FSD1L: variants seen among roughly 807,000 people sequenced by gnomAD.
FSD1L encodes the protein FSD1-like protein.
In FSD1L, 45 loss-of-function variants were observed where a neutral mutation model predicts 71.6. The ratio of observed to expected loss-of-function variants is 0.63; its 90% CI spans 0.49 to 0.81. The LOEUF (loss-of-function observed/expected upper bound fraction) is 0.81. Ranked by LOEUF, FSD1L falls within the 30% of genes least tolerant of loss-of-function variation. The pLI is 0.00. For synonymous variants in FSD1L, 197 were observed against 207.2 expected, an observed-to-expected ratio of 0.95 and a Z score of 0.42; for missense variants, 561 against 618.1, an observed-to-expected ratio of 0.91 and a Z score of 0.98.
At chr9:105,465,692 A>C (rs1207316615) in intron 3 of FSD1L, among the ~76,000 whole-genome samples, 8 of 152,324 alleles carry the variant, frequency 5.3e-5, no homozygotes, top group African/African-American at 1.4e-4. Flanking sequence ...AAAGAATTTG[A>C]CAGAATTCAA....
rs557724380 is a variant in FSD1L at position 105,541,012 on chromosome 9, G to A, written c.1467+1661G>A. 3.3e-5 allele frequency among the ~76,000 whole-genome samples: 5 copies of A among 152,132 alleles called. No homozygotes were observed. In the South Asian group the frequency reaches 1.0e-3, roughly 32 times the overall value. ...TAAGTCAAGATGGTATATTTCAAAT[G>A]GAATATTTTGCATGTATATTCTTCT... On this transcript the variant is annotated intron_variant, in intron 13 of 13. Coordinates refer to ENST00000481272, the MANE Select transcript of FSD1L (RefSeq NM_001145313.3).
upstream of FSD1L, among the ~76,000 whole-genome samples, chr9:105,446,857 ATGAC>A (rs1361498710): frequency 6.6e-6 from 1 of 152,014 alleles, no homozygotes; most frequent in Non-Finnish European, 1.5e-5. Flanking sequence ...TTCATCATAA[ATGAC>A]TGTCTAATTG....
At chr9:105,523,317 G>C (rs1209080270) in intron 10 of FSD1L, 2 of 1,591,242 alleles carry the variant, frequency 1.3e-6, no homozygotes, top group African/African-American at 2.7e-5. Context: ...GCAGCTCGAT[G>C]AGAAGCTCCA....
chr9:105,521,430 G>C, intron 10 of FSD1L: 1 of 1,614,076 alleles, frequency 6.2e-7, no homozygotes, highest in Non-Finnish European at 8.5e-7. Flanking sequence ...ACATCTCACA[G>C]ACATTGAAAT....
intron 8 of FSD1L, among the ~76,000 whole-genome samples, chr9:105,507,546 T>G (rs972498973): frequency 1.3e-5 from 2 of 152,320 alleles, no homozygotes; most frequent in South Asian, 4.1e-4. Flanking sequence ...CTCGGTCAAG[T>G]TGTTGACGGT....
At chr9:105,511,895 A>G (rs2131376491) in intron 9 of FSD1L, among the ~76,000 whole-genome samples, 1 of 152,254 alleles carries the variant, frequency 6.6e-6, no homozygotes, top group East Asian at 1.9e-4. Context: ...GGGATACTGT[A>G]TTTCTTAATA....
At chr9:105,462,313 T>A (rs1830756562) in intron 2 of FSD1L, among the ~76,000 whole-genome samples, 1 of 147,766 alleles carries the variant, frequency 6.8e-6, no homozygotes, top group Admixed American at 6.8e-5. Context: ...CCTCCCGGGT[T>A]CAAGCAATTT....
At chr9:105,490,274 C>T (rs1240539829) in intron 7 of FSD1L, among the ~76,000 whole-genome samples, 1 of 152,142 alleles carries the variant, frequency 6.6e-6, no homozygotes, top group Admixed American at 6.5e-5. Context: ...AGCATTTTTT[C>T]ATGTGTCTGT....
chr9:105,519,368 A>G (rs1834962102), intron 10 of FSD1L, among the ~76,000 whole-genome samples: 1 of 152,204 alleles, frequency 6.6e-6, no homozygotes, highest in South Asian at 2.1e-4. Flanking sequence ...TTTCAGGCCA[A>G]TATCCCTGAT....
At chr9:105,503,879 AT>A (rs901721949) in intron 7 of FSD1L, among the ~76,000 whole-genome samples, 13 of 151,702 alleles carry the variant, frequency 8.6e-5, no homozygotes, top group African/African-American at 2.2e-4. Flanking sequence ...CCACTTTCTT[AT>A]TTTTTTTCTT....
At chr9:105,476,645 A>T (rs1049383251) in intron 5 of FSD1L, among the ~76,000 whole-genome samples, 3 of 152,208 alleles carry the variant, frequency 2.0e-5, no homozygotes, top group African/African-American at 7.2e-5. Flanking sequence ...TAGATCTTCT[A>T]TTGAAATCCT....
At chr9:105,510,897 T>TTAAAGATACGG (rs1383329379) in intron 9 of FSD1L, among the ~76,000 whole-genome samples, 3 of 152,160 alleles carry the variant, frequency 2.0e-5, no homozygotes, top group Admixed American at 2.0e-4. Context: ...TTTGGTACTT[T>TTAAAGATACGG]GTTTTCACAG....
At chr9:105,545,233 T>A (rs1230217735) in intron 13 of FSD1L, among the ~76,000 whole-genome samples, 1 of 132,660 alleles carries the variant, frequency 7.5e-6, no homozygotes, top group Non-Finnish European at 1.6e-5. Context: ...CTGTTTGTTA[T>A]TGGTGTATAG....
At chr9:105,461,465 CCTTTA>C (rs1830690541) in intron 1 of FSD1L, 50 bp from the exon 2 acceptor site, 1 of 764,324 alleles carries the variant, frequency 1.3e-6, no homozygotes, top group African/African-American at 1.8e-5. Flanking sequence ...TCCTGTTTTT[CCTTTA>C]CTTTTTTGAT....
intron 1 of FSD1L, among the ~76,000 whole-genome samples, chr9:105,450,748 G>C (rs1156613906): frequency 6.6e-6 from 1 of 151,682 alleles, no homozygotes; most frequent in Admixed American, 6.6e-5. Context: ...TGGCCAGCTG[G>C]TCTCAAACTC....
intron 10 of FSD1L, chr9:105,524,733 A>G: frequency 6.2e-7 from 1 of 1,613,664 alleles, no homozygotes; most frequent in Non-Finnish European, 8.5e-7. Flanking sequence ...AACAGAAGTG[A>G]AAACTCAAAT....
chr9:105,513,225 T>C (rs1834499565), intron 10 of FSD1L, among the ~76,000 whole-genome samples: 1 of 152,190 alleles, frequency 6.6e-6, no homozygotes, highest in Non-Finnish European at 1.5e-5. Flanking sequence ...AAGAAGTTTC[T>C]AGTATAATTC....
At chr9:105,477,471 A>G (rs889561619) in intron 5 of FSD1L, among the ~76,000 whole-genome samples, 1 of 152,210 alleles carries the variant, frequency 6.6e-6, no homozygotes, top group Non-Finnish European at 1.5e-5. Context: ...GAGGGAAAGA[A>G]CAGAATATAT....
chr9:105,443,334 A>T (rs901068271), upstream of FSD1L, among the ~76,000 whole-genome samples: 4 of 152,174 alleles, frequency 2.6e-5, no homozygotes, highest in Non-Finnish European at 1.5e-5. Context: ...GACAGCTTTC[A>T]TCTGCAGGGA....
Sources: allele counts gnomAD v4.1 joint callset (sites outside exome capture counted in the v4.1 genomes callset), GRCh38; gene constraint gnomAD v4.1.1; transcripts MANE v1.5; gene names NCBI Gene and HGNC (gene_info 2026-07-23, HGNC 2026-07-21).